The following VMP1 variants were observed in gnomAD, a reference collection of about 807,000 sequenced individuals.
VMP1 encodes ectopic P-granules autophagy protein 3 homolog.
Under a neutral mutation model 56.0 loss-of-function variants are expected in VMP1, and 11 were observed. That is an observed-to-expected ratio of 0.20 (90% confidence interval 0.12 to 0.32). VMP1 has a LOEUF of 0.32. Ranked by LOEUF, VMP1 falls within the 10% of genes least tolerant of loss-of-function variation. The probability of loss-of-function intolerance (pLI) is 1.00; values close to 1 mark genes in which losing one functional copy is unlikely to be tolerated. For synonymous variants in VMP1, 149 were observed against 165.0 expected (o/e 0.90, Z 0.74); for missense variants, 296 against 490.3 (o/e 0.60, Z 3.74).
chr17:59,825,077 A>ATTT (rs747807694), intron 10 of VMP1, among the ~76,000 whole-genome samples: 3 of 70,094 alleles, frequency 4.3e-5, no homozygotes, highest in African/African-American at 5.6e-5. Flanking sequence ...GTTAGTTGTG[A>ATTT]TTTTTTTTTT....
rs1306897014 is a variant in VMP1 at position 59,793,187 on chromosome 17, AT to A, written c.715-15599del. On this transcript the variant is annotated intron_variant, in intron 7 of 11. Coordinates refer to ENST00000262291, the MANE Select transcript of VMP1 (RefSeq NM_030938.5). ...GCCACCACACCCAGCTAATTTTCTA[AT>A]TTTTTTTTTAGTAGAGATGGGGTTT... Among the ~76,000 whole-genome samples, 18 of 104,540 alleles carry A rather than the reference AT, an allele frequency of 1.7e-4. 1 individual carries two copies. The highest frequency in any genetic ancestry group is 1.7e-4 in the Non-Finnish European group (7 of 42,114). The allele number at this position is 104,540 out of a possible 152,430, so 68.6% of individuals were successfully genotyped here.
At chr17:59,816,821 C>T (rs1302673587) in intron 9 of VMP1, among the ~76,000 whole-genome samples, 4 of 151,780 alleles carry the variant, frequency 2.6e-5, no homozygotes, top group Non-Finnish European at 5.9e-5. Flanking sequence ...TGTCGTGCGC[C>T]TGTAATCCCA....
intron 7 of VMP1, among the ~76,000 whole-genome samples, chr17:59,778,109 T>C (rs2036689892): frequency 6.6e-6 from 1 of 152,180 alleles, no homozygotes; most frequent in African/African-American, 2.4e-5. Flanking sequence ...TATCGAAATG[T>C]TTTTCTGCTG....
At chr17:59,755,945 C>A (rs746755688) in intron 5 of VMP1, among the ~76,000 whole-genome samples, 4 of 152,080 alleles carry the variant, frequency 2.6e-5, no homozygotes, top group South Asian at 2.1e-4. Context: ...CTGTGTTGTC[C>A]GAGCTAGTCT....
chr17:59,778,186 A>C (rs2036692274), intron 7 of VMP1, among the ~76,000 whole-genome samples: 1 of 152,120 alleles, frequency 6.6e-6, no homozygotes, highest in South Asian at 2.1e-4. Flanking sequence ...CTGTTTGTTC[A>C]ATTTGGAGTT....
intron 10 of VMP1, among the ~76,000 whole-genome samples, chr17:59,825,897 G>A (rs183788815): frequency 6.6e-6 from 1 of 152,334 alleles, no homozygotes; most frequent in East Asian, 1.9e-4. Context: ...ATGGAAAGTG[G>A]TCAGAATGAG....
intron 5 of VMP1, among the ~76,000 whole-genome samples, chr17:59,747,179 C>T (rs2035453046): frequency 6.6e-6 from 1 of 152,174 alleles, no homozygotes; most frequent in Admixed American, 6.5e-5. Context: ...TACTTGTATT[C>T]ATGCCTACCT....
At chr17:59,804,364 A>C (rs1322414488) in intron 7 of VMP1, among the ~76,000 whole-genome samples, 1 of 152,162 alleles carries the variant, frequency 6.6e-6, no homozygotes, top group East Asian at 1.9e-4. Context: ...CAGTAATCCC[A>C]GCACTTTGGG....
chr17:59,824,604 G>T lies in VMP1; in HGVS notation c.974+6831G>T, dbSNP rs559638399. Among the ~76,000 whole-genome samples the T allele has an allele frequency of 1.5e-4, 23 of 149,210 alleles. No homozygotes were observed. In the South Asian group the frequency reaches 4.7e-3, roughly 30 times the overall value. On this transcript the variant is annotated intron_variant, in intron 10 of 11. Transcript: ENST00000262291. ...AAAAAAAAAAAGGACCAGGCGCAGT[G>T]GCCCACGCCTGTAATCCCAGCACTT...
At chr17:59,790,180 T>G (rs1217853632) in intron 7 of VMP1, among the ~76,000 whole-genome samples, 2 of 152,130 alleles carry the variant, frequency 1.3e-5, no homozygotes, top group Admixed American at 6.5e-5. Flanking sequence ...TTAAGGAGAT[T>G]TCTCTCAATA....
intron 11 of VMP1, 26 bp downstream of exon 11, chr17:59,838,423 C>T: frequency 6.2e-7 from 1 of 1,610,902 alleles, no homozygotes; most frequent in East Asian, 2.2e-5. Flanking sequence ...GGTTTCTTCT[C>T]CCCTCTGGGA....
intron 7 of VMP1, 101 bp downstream of exon 7, chr17:59,773,986 AG>A: frequency 1.3e-4 from 152 of 1,156,564 alleles, no homozygotes; most frequent in East Asian, 3.5e-4. Flanking sequence ...AAACTGCTAA[AG>A]TAAAAAAAAA....
intron 7 of VMP1, among the ~76,000 whole-genome samples, chr17:59,786,461 C>T (rs1161518435): frequency 6.6e-6 from 1 of 152,170 alleles, no homozygotes; most frequent in African/African-American, 2.4e-5. Flanking sequence ...TACACAGATT[C>T]ATGAAAGAGT....
At chr17:59,725,844 T>TAA (rs1244266345) in intron 1 of VMP1, among the ~76,000 whole-genome samples, 1 of 152,210 alleles carries the variant, frequency 6.6e-6, no homozygotes, top group Admixed American at 6.5e-5. Context: ...GCACGTTGTG[T>TAA]AAGAGCACAT....
rs754631557 is a variant in VMP1 at position 59,789,835 on chromosome 17, C to CTTT, written c.714+15970_714+15972dup. 5.1e-3 allele frequency among the ~76,000 whole-genome samples: 437 copies of CTTT among 85,946 alleles called. 11 individuals are homozygous for CTTT. Among genetic ancestry groups the CTTT allele is most frequent in the Middle Eastern group, 7.7e-3 (1 of 130 alleles). The allele number at this position is 85,946 out of a possible 152,430, so 56.4% of individuals were successfully genotyped here. A position where few individuals can be genotyped will look rare whatever the true frequency, so the allele number is the denominator to read the frequency against. The stretch of plus-strand genomic sequence containing the variant: ...TTCCTTCCTTCCTTTCTTTCTTTCC[C>CTTT]TTTTTTTTTTTTTTTTTTTTTTGAG... On this transcript the variant is annotated intron_variant, in intron 7 of 11. Transcript: ENST00000262291.
intron 1 of VMP1, among the ~76,000 whole-genome samples, chr17:59,728,095 G>C (rs937729800): frequency 6.6e-6 from 1 of 152,166 alleles, no homozygotes; most frequent in East Asian, 1.9e-4. Context: ...CAAATGGATT[G>C]TATCTTAAAA....
chr17:59,758,348 C>T (rs900776511), intron 5 of VMP1, among the ~76,000 whole-genome samples: 1 of 152,098 alleles, frequency 6.6e-6, no homozygotes, highest in Non-Finnish European at 1.5e-5. Context: ...ATACAATTAT[C>T]AGTGTAGTTG....
intron 10 of VMP1, among the ~76,000 whole-genome samples, chr17:59,833,721 A>T (rs1683029435): frequency 6.6e-6 from 1 of 152,196 alleles, no homozygotes; most frequent in South Asian, 2.1e-4. Flanking sequence ...CTCTTTTTAA[A>T]ATTATTATGG....
chr17:59,788,412 G>A (rs1462565544), intron 7 of VMP1, among the ~76,000 whole-genome samples: 2 of 151,420 alleles, frequency 1.3e-5, no homozygotes, highest in African/African-American at 4.9e-5. Context: ...GCTTGAACCC[G>A]GGAGGCGTAC....
Sources: allele counts gnomAD v4.1 joint callset (sites outside exome capture counted in the v4.1 genomes callset), GRCh38; gene constraint gnomAD v4.1.1; transcripts MANE v1.5; gene names NCBI Gene and HGNC (gene_info 2026-07-23, HGNC 2026-07-21).